The following CRPPA variants were observed in gnomAD, a reference collection of about 807,000 sequenced individuals.
The protein encoded by CRPPA is CDP-L-ribitol pyrophosphorylase A, also known as D-ribitol-5-phosphate cytidylyltransferase.
A neutral mutation model predicts 52.0 loss-of-function variants in CRPPA; 43 were observed. That is an observed-to-expected ratio of 0.83 (90% CI 0.65 to 1.07). CRPPA has a LOEUF of 1.07. Ranked by LOEUF, CRPPA falls within the 50% of genes least tolerant of loss-of-function variation. CRPPA has a pLI of 0.00. For synonymous variants in CRPPA, 250 were observed against 203.5 expected, an observed-to-expected ratio of 1.23 and a Z score of -1.94; for missense variants, 629 against 551.7, an observed-to-expected ratio of 1.14 and a Z score of -1.40.
intron 1 of CRPPA, among the ~76,000 whole-genome samples, chr7:16,410,217 A>C (rs1788049317): frequency 6.6e-6 from 1 of 152,204 alleles, no homozygotes; most frequent in African/African-American, 2.4e-5. Flanking sequence ...GAGGATGTTT[A>C]TCACAATCAA....
chr7:16,160,373 G>C (rs1231576511), intron 9 of CRPPA, among the ~76,000 whole-genome samples: 1 of 152,124 alleles, frequency 6.6e-6, no homozygotes, highest in African/African-American at 2.4e-5. Flanking sequence ...TCCAATTTCA[G>C]TTTTCTGCAT....
At chr7:16,222,188 T>C (rs1417569811) in intron 8 of CRPPA, among the ~76,000 whole-genome samples, 1 of 151,174 alleles carries the variant, frequency 6.6e-6, no homozygotes, top group Non-Finnish European at 1.5e-5. Flanking sequence ...CAGTAAACTG[T>C]TGCAAGAACA....
intron 9 of CRPPA, among the ~76,000 whole-genome samples, chr7:16,095,877 C>T (rs1436316429): frequency 6.6e-6 from 1 of 152,092 alleles, no homozygotes; most frequent in African/African-American, 2.4e-5. Flanking sequence ...ACTGTGCATG[C>T]CCAAGGAGAA....
chr7:16,315,945 T>G (rs984901436), intron 3 of CRPPA, among the ~76,000 whole-genome samples: 6 of 151,326 alleles, frequency 4.0e-5, no homozygotes, highest in Non-Finnish European at 8.8e-5. Context: ...CTGAAAGATA[T>G]GAAAAGTTTA....
chr7:16,376,045 G>C, intron 3 of CRPPA, 47 bp downstream of exon 3: 1 of 1,529,848 alleles, frequency 6.5e-7, no homozygotes, highest in Non-Finnish European at 8.8e-7. Context: ...AGGTTGTTTG[G>C]GGAACCTGAC....
intron 8 of CRPPA, among the ~76,000 whole-genome samples, chr7:16,245,981 G>A (rs551897085): frequency 4.1e-4 from 62 of 152,078 alleles, no homozygotes; most frequent in African/African-American, 1.5e-3. Context: ...AGGTTGGGTG[G>A]ATGTGGCAAC....
intron 2 of CRPPA, among the ~76,000 whole-genome samples, chr7:16,385,498 A>C (rs572214236): frequency 6.6e-6 from 1 of 152,216 alleles, no homozygotes; most frequent in Non-Finnish European, 1.5e-5. Flanking sequence ...ATAGTCACTA[A>C]TAGGAAAAAT....
intron 3 of CRPPA, among the ~76,000 whole-genome samples, chr7:16,364,118 T>C (rs1266142838): frequency 1.3e-5 from 2 of 152,074 alleles, no homozygotes; most frequent in African/African-American, 4.8e-5. Context: ...GGGTAGAAAA[T>C]AATTATTGGA....
intron 9 of CRPPA, among the ~76,000 whole-genome samples, chr7:16,161,367 T>G (rs901699546): frequency 6.6e-6 from 1 of 152,202 alleles, no homozygotes; most frequent in Non-Finnish European, 1.5e-5. Flanking sequence ...CACCAATACC[T>G]AGTTTATTGA....
intron 9 of CRPPA, among the ~76,000 whole-genome samples, chr7:16,097,853 A>T (rs1262931252): frequency 6.6e-6 from 1 of 152,144 alleles, no homozygotes; most frequent in African/African-American, 2.4e-5. Context: ...TTGAGCAAGG[A>T]AAGGCTGAAG....
At chr7:16,255,301 C>T (rs1044877070) in intron 8 of CRPPA, among the ~76,000 whole-genome samples, 10 of 152,086 alleles carry the variant, frequency 6.6e-5, no homozygotes, top group South Asian at 4.2e-4. Flanking sequence ...AGGACACAAA[C>T]GATTGGAAGA....
chr7:16,276,263 TA>T (rs1423800695), intron 6 of CRPPA, among the ~76,000 whole-genome samples: 1 of 151,848 alleles, frequency 6.6e-6, no homozygotes, highest in Non-Finnish European at 1.5e-5. Context: ...AGAAAAAAAC[TA>T]AAGAAATAAT....
chr7:16,098,872 A>C (rs1386925751), intron 9 of CRPPA, among the ~76,000 whole-genome samples: 6 of 152,156 alleles, frequency 3.9e-5, no homozygotes, highest in Non-Finnish European at 7.3e-5. Flanking sequence ...AGAAAAACAA[A>C]ACAGCCTCCT....
At chr7:16,397,374 G>T (rs896837790) in intron 2 of CRPPA, among the ~76,000 whole-genome samples, 2 of 152,190 alleles carry the variant, frequency 1.3e-5, no homozygotes, top group African/African-American at 4.8e-5. Context: ...TGTGTAACAC[G>T]TGTGACATAT....
intron 2 of CRPPA, among the ~76,000 whole-genome samples, chr7:16,389,928 A>AAAAAAAAATATAT: frequency 6.7e-5 from 2 of 29,760 alleles, no homozygotes; most frequent in African/African-American, 3.5e-4. Context: ...AAAAAAAAAA[A>AAAAAAAAATATAT]ATATATATAT....
chr7:16,383,062 A>G (rs1339272511), intron 2 of CRPPA, among the ~76,000 whole-genome samples: 1 of 152,148 alleles, frequency 6.6e-6, no homozygotes, highest in Non-Finnish European at 1.5e-5. Context: ...GAGGAGGAGA[A>G]GTGCTCTGCT....
At chr7:16,318,487 T>A (rs962755960) in intron 3 of CRPPA, among the ~76,000 whole-genome samples, 15 of 152,164 alleles carry the variant, frequency 9.9e-5, no homozygotes, top group African/African-American at 3.6e-4. Flanking sequence ...TCTCCATATG[T>A]AACAATTTTT....
intron 2 of CRPPA, among the ~76,000 whole-genome samples, chr7:16,389,928 A>AAAAAAAAAAAAAAAAAAATAT: frequency 2.7e-4 from 8 of 29,760 alleles, no homozygotes; most frequent in Admixed American, 1.1e-3. Flanking sequence ...AAAAAAAAAA[A>AAAAAAAAAAAAAAAAAAATAT]ATATATATAT....
chr7:16,406,387 A>C (rs1583585836), intron 1 of CRPPA, 50 bp from the exon 2 acceptor site: 1 of 1,501,242 alleles, frequency 6.7e-7, no homozygotes, highest in East Asian at 2.3e-5. Flanking sequence ...TAGACAACTA[A>C]AGTGAGTAAC....
Sources: allele counts gnomAD v4.1 joint callset (sites outside exome capture counted in the v4.1 genomes callset), GRCh38; gene constraint gnomAD v4.1.1; transcripts MANE v1.5; gene names NCBI Gene and HGNC (gene_info 2026-07-23, HGNC 2026-07-21).